The following RBM6 variants were observed in gnomAD, a reference collection of about 807,000 sequenced individuals.
RBM6 encodes the protein RNA binding motif protein 6, also known as RNA-binding protein 6.
Under a neutral mutation model 140.4 loss-of-function variants are expected in RBM6, and 23 were observed. That is an observed-to-expected ratio of 0.16 (90% CI 0.12 to 0.23). The LOEUF (loss-of-function observed/expected upper bound fraction) is 0.23. RBM6 is among the 10% of genes least tolerant of loss of function. The pLI is 1.00. For missense variants in RBM6, 1,139 were observed against 1,386.7 expected (o/e 0.82, Z 2.84); for synonymous variants, 439 against 475.6 (o/e 0.92, Z 1.00).
Position 50,065,383 on chromosome 3 carries a change from A to G in RBM6, c.2682+257A>G, listed in dbSNP as rs114280624. ...CCCTGTGCCATTCTTACCAGACGAG[A>G]TGCCTAGCCCTTTTTATCATCTTGT... On this transcript the variant is annotated intron_variant, in intron 16 of 20. Coordinates refer to ENST00000266022, the MANE Select transcript of RBM6 (RefSeq NM_005777.3). 1.8e-3 allele frequency among the ~76,000 whole-genome samples: 273 copies of G among 152,308 alleles called. 2 individuals carry two copies. Among genetic ancestry groups the G allele is most frequent in the African/African-American group, 5.9e-3 (246 of 41,566 alleles).
chr3:50,074,383 G>A (rs574958010), intron 19 of RBM6, among the ~76,000 whole-genome samples: 61 of 151,108 alleles, frequency 4.0e-4, no homozygotes, highest in Non-Finnish European at 6.5e-4. Context: ...GTGCAATGGC[G>A]CGATATCAGC....
At chr3:49,992,571 A>G (rs985551314) in intron 5 of RBM6, among the ~76,000 whole-genome samples, 7 of 152,200 alleles carry the variant, frequency 4.6e-5, no homozygotes, top group Non-Finnish European at 1.0e-4. Flanking sequence ...GCTGCTTTGC[A>G]TATGGAATAG....
chr3:50,004,129 T>G (rs1262379116), intron 6 of RBM6, among the ~76,000 whole-genome samples: 90 of 152,318 alleles, frequency 5.9e-4, no homozygotes, highest in Middle Eastern at 3.4e-3. Flanking sequence ...GCATTTTATG[T>G]TCTCAAGTAT....
In RBM6 at chr3:49,967,265, A is replaced by C; in HGVS notation, c.45-205A>C. On this transcript the variant is annotated intron_variant, in intron 2 of 20. Coordinates refer to ENST00000266022, the MANE Select transcript of RBM6 (RefSeq NM_005777.3). This position sits in a 1 kb window ranked among gnomAD's most constrained non-coding sequence, Gnocchi z 4.0. Reference sequence around the variant, plus strand: ...TTGTGTTGACTTTCCTCGTGTTCTGAAATGGGAGCATAAAAGTTTACTCCG... The same window carrying C: ...TTGTGTTGACTTTCCTCGTGTTCTGCAATGGGAGCATAAAAGTTTACTCCG... The C allele has an allele frequency of 3.7e-6, 5 of 1,357,988 alleles. No individual in the cohort carries two copies. The highest frequency in any genetic ancestry group is 4.7e-6 in the Non-Finnish European group (5 of 1,057,662). 84.1% of individuals were successfully genotyped at this position (1,357,988 alleles called of 1,614,324 possible). A position where few individuals can be genotyped will look rare whatever the true frequency, so the allele number is the denominator to read the frequency against.
chr3:50,063,477 C>A lies in RBM6; in HGVS notation c.2586+1369C>A, dbSNP rs1234505709. Among the ~76,000 whole-genome samples, 5 of 151,916 alleles carry A rather than the reference C, an allele frequency of 3.3e-5. No individual in the cohort carries two copies. In the East Asian group the frequency reaches 9.7e-4, roughly 29 times the overall value. On this transcript the variant is annotated intron_variant, in intron 15 of 20. Coordinates refer to ENST00000266022, the MANE Select transcript of RBM6 (RefSeq NM_005777.3). Reference sequence around the variant, plus strand: ...AATTAGCCTACTGTGGTGATGCATGCCTGTAGTCCAAGCTACTTGGGAGAC... The same window carrying A: ...AATTAGCCTACTGTGGTGATGCATGACTGTAGTCCAAGCTACTTGGGAGAC...
intron 6 of RBM6, among the ~76,000 whole-genome samples, chr3:50,033,066 G>A (rs1265666860): frequency 6.6e-6 from 1 of 151,988 alleles, no homozygotes; most frequent in African/African-American, 2.4e-5. Context: ...GGAGGCCAAG[G>A]TGGGCAGATC....
chr3:50,070,883 C>G (rs1299356596), intron 19 of RBM6, among the ~76,000 whole-genome samples: 3 of 152,206 alleles, frequency 2.0e-5, no homozygotes, highest in Non-Finnish European at 4.4e-5. Flanking sequence ...CTCTAGGGAA[C>G]CTCCATTCTC....
chr3:49,971,657 C>T (rs2084800607), intron 3 of RBM6, among the ~76,000 whole-genome samples: 1 of 152,020 alleles, frequency 6.6e-6, no homozygotes, highest in African/African-American at 2.4e-5. Context: ...TCCGCCTCAG[C>T]CTCCTGAGTA....
intron 6 of RBM6, among the ~76,000 whole-genome samples, chr3:50,040,526 A>G (rs1034550588): frequency 6.9e-6 from 1 of 145,676 alleles, no homozygotes; most frequent in African/African-American, 2.6e-5. Context: ...ACGTGTGTAT[A>G]TATATACACA....
intron 6 of RBM6, among the ~76,000 whole-genome samples, chr3:50,041,331 G>C (rs2088905776): frequency 6.6e-6 from 1 of 152,142 alleles, no homozygotes; most frequent in African/African-American, 2.4e-5. Context: ...GGAGGACATG[G>C]AGAAGGCCAA....
At chr3:50,074,386 A>G (rs895497188) in intron 19 of RBM6, among the ~76,000 whole-genome samples, 1 of 151,134 alleles carries the variant, frequency 6.6e-6, no homozygotes, top group Non-Finnish European at 1.5e-5. Context: ...CAATGGCGCG[A>G]TATCAGCTAA....
chr3:49,947,269 G>T (rs1451987237), intron 1 of RBM6, among the ~76,000 whole-genome samples: 2 of 109,542 alleles, frequency 1.8e-5, no homozygotes, highest in South Asian at 3.0e-4. Context: ...AAAAGGGGGG[G>T]GGGGGGGGTT....
chr3:49,948,703 T>G (rs2083599102), intron 1 of RBM6, among the ~76,000 whole-genome samples: 1 of 145,822 alleles, frequency 6.9e-6, no homozygotes, highest in South Asian at 2.2e-4. Context: ...AGAGTGAGAC[T>G]CTGTCTCAAA....
chr3:50,000,608 G>A (rs2086282210), intron 6 of RBM6, among the ~76,000 whole-genome samples: 1 of 151,830 alleles, frequency 6.6e-6, no homozygotes, highest in African/African-American at 2.4e-5. Context: ...TAGTAGAGAT[G>A]GGGTTTCTCC....
chr3:49,976,527 A>G (rs1207589079), intron 5 of RBM6, among the ~76,000 whole-genome samples: 4 of 152,284 alleles, frequency 2.6e-5, no homozygotes, highest in South Asian at 2.1e-4. Context: ...TATGTTGGTT[A>G]TATTTATTTT....
At chr3:50,037,611 A>G (rs1426679536) in intron 6 of RBM6, among the ~76,000 whole-genome samples, 1 of 152,176 alleles carries the variant, frequency 6.6e-6, no homozygotes, top group Non-Finnish European at 1.5e-5. Context: ...GAGGTGATAG[A>G]TAAAGGGTCA....
intron 6 of RBM6, among the ~76,000 whole-genome samples, chr3:50,047,918 G>A (rs1311820384): frequency 1.3e-5 from 2 of 152,140 alleles, no homozygotes; most frequent in Non-Finnish European, 2.9e-5. Flanking sequence ...CTAGGTGGGG[G>A]ACTTGCTGGG....
intron 1 of RBM6, among the ~76,000 whole-genome samples, chr3:49,962,152 A>C (rs1284656862): frequency 1.9e-5 from 1 of 52,604 alleles, no homozygotes; most frequent in East Asian, 2.7e-4. Context: ...CCATCTCTTA[A>C]AAAAAAAAAA....
intron 5 of RBM6, among the ~76,000 whole-genome samples, chr3:49,990,179 C>T (rs751485754): frequency 2.0e-5 from 3 of 152,054 alleles, no homozygotes; most frequent in Admixed American, 2.0e-4. Flanking sequence ...AGAAATGGAT[C>T]AAGTGATTTT....
Sources: allele counts gnomAD v4.1 joint callset (sites outside exome capture counted in the v4.1 genomes callset), GRCh38; gene constraint gnomAD v4.1.1; non-coding constraint Gnocchi (gnomAD v3.1); transcripts MANE v1.5; gene names NCBI Gene and HGNC (gene_info 2026-07-23, HGNC 2026-07-21).